The following PPP1R9A variants were observed in gnomAD, a reference collection of about 807,000 sequenced individuals.
The protein encoded by PPP1R9A is protein phosphatase 1 regulatory subunit 9A.
PPP1R9A carries 59 observed loss-of-function variants against 141.9 expected under a neutral mutation model. The ratio of observed to expected loss-of-function variants is 0.42; its 90% CI spans 0.34 to 0.52. PPP1R9A has a LOEUF of 0.52. PPP1R9A is among the 20% of genes least tolerant of loss of function. PPP1R9A has a pLI of 0.10. For missense variants in PPP1R9A, 1,444 were observed against 1,611.9 expected, an observed-to-expected ratio of 0.90 and a Z score of 1.78; for synonymous variants, 500 against 569.7, an observed-to-expected ratio of 0.88 and a Z score of 1.74.
chr7:95,170,902 C>T (rs905125341), intron 5 of PPP1R9A, among the ~76,000 whole-genome samples: 12 of 151,256 alleles, frequency 7.9e-5, no homozygotes, highest in Admixed American at 6.6e-4. Context: ...TTTATAATAT[C>T]GAGAAGTAAA....
intron 4 of PPP1R9A, among the ~76,000 whole-genome samples, chr7:95,135,717 A>AT (rs1338537564): frequency 3.3e-5 from 5 of 151,340 alleles, no homozygotes; most frequent in South Asian, 2.1e-4. Flanking sequence ...CTCACTCTTA[A>AT]TTTTTTGCCC....
chr7:95,237,184 T>A (rs796944493), intron 8 of PPP1R9A, among the ~76,000 whole-genome samples: 16,003 of 140,274 alleles, frequency 0.11, 969 homozygotes, highest in East Asian at 0.17. Flanking sequence ...TATATATTTT[T>A]TTTTTTTTAT....
intron 2 of PPP1R9A, among the ~76,000 whole-genome samples, chr7:95,094,019 T>C (rs79632093): frequency 0.013 from 2,051 of 152,312 alleles, 49 homozygotes; most frequent in African/African-American, 0.048. Flanking sequence ...AAGCGGCTGA[T>C]TTATTTGAAT....
At chr7:95,192,583 A>T (rs140667128) in intron 5 of PPP1R9A, among the ~76,000 whole-genome samples, 1 of 152,046 alleles carries the variant, frequency 6.6e-6, no homozygotes, top group Non-Finnish European at 1.5e-5. Context: ...CCAGATACTT[A>T]GTTTTTTTAA....
At chr7:95,214,154 C>T (rs1240147595) in intron 7 of PPP1R9A, 1 of 152,178 alleles carries the variant, frequency 6.6e-6, no homozygotes, top group Non-Finnish European at 1.5e-5. Context: ...CAAAACTTAG[C>T]AACTTAAAAG....
intron 2 of PPP1R9A, among the ~76,000 whole-genome samples, chr7:94,993,691 C>A (rs2151449083): frequency 6.6e-6 from 1 of 152,110 alleles, no homozygotes; most frequent in East Asian, 1.9e-4. Flanking sequence ...ATTTTCGGTG[C>A]TAGTATCTAG....
At chr7:94,960,131 A>G (rs1797460860) in intron 2 of PPP1R9A, among the ~76,000 whole-genome samples, 1 of 149,894 alleles carries the variant, frequency 6.7e-6, no homozygotes, top group Non-Finnish European at 1.5e-5. Context: ...CCAAGCTTTA[A>G]AGATCCTTGA....
chr7:95,072,348 T>G (rs1004312705), intron 2 of PPP1R9A, among the ~76,000 whole-genome samples: 1 of 144,530 alleles, frequency 6.9e-6, no homozygotes, highest in African/African-American at 2.5e-5. Context: ...ATATAAGTTA[T>G]ATTATTATAT....
intron 12 of PPP1R9A, among the ~76,000 whole-genome samples, chr7:95,263,440 T>C (rs1800741470): frequency 6.6e-6 from 1 of 151,848 alleles, no homozygotes; most frequent in Non-Finnish European, 1.5e-5. Context: ...GTTGTTGTTG[T>C]TGTTGTTGTT....
chr7:95,276,431 C>T (rs537934258), intron 16 of PPP1R9A, among the ~76,000 whole-genome samples: 96 of 152,202 alleles, frequency 6.3e-4, no homozygotes, highest in Non-Finnish European at 1.0e-3. Flanking sequence ...TCACCACAGT[C>T]GATGCCTGCT....
intron 4 of PPP1R9A, among the ~76,000 whole-genome samples, chr7:95,129,807 T>G (rs1055421391): frequency 1.3e-5 from 2 of 152,180 alleles, no homozygotes; most frequent in African/African-American, 4.8e-5. Flanking sequence ...GAGACTGTTG[T>G]CATTTTGCCC....
At chr7:95,270,928 A>G (rs1802073208) in intron 14 of PPP1R9A, among the ~76,000 whole-genome samples, 1 of 152,168 alleles carries the variant, frequency 6.6e-6, no homozygotes, top group African/African-American at 2.4e-5. Context: ...GTATAGATAG[A>G]GTACAATTAT....
At chr7:95,120,673 T>G in intron 3 of PPP1R9A, 39 bp from the exon 4 acceptor site, 2 of 1,603,470 alleles carry the variant, frequency 1.2e-6, no homozygotes, top group Non-Finnish European at 1.7e-6. Context: ...GTGTAAAACT[T>G]AAGTTGTTTC....
chr7:95,045,359 A>T (rs1485242308), intron 2 of PPP1R9A, among the ~76,000 whole-genome samples: 1 of 152,136 alleles, frequency 6.6e-6, no homozygotes, highest in East Asian at 1.9e-4. Flanking sequence ...GGAGTTTTAT[A>T]TGTTGGCATC....
At chr7:95,052,572 T>C (rs1293379718) in intron 2 of PPP1R9A, among the ~76,000 whole-genome samples, 2 of 152,210 alleles carry the variant, frequency 1.3e-5, no homozygotes, top group Non-Finnish European at 1.5e-5. Flanking sequence ...TGTTGAATTG[T>C]AGGCATTTTA....
At chr7:95,128,380 GTTGT>G (rs1268990817) in intron 4 of PPP1R9A, among the ~76,000 whole-genome samples, 1 of 152,060 alleles carries the variant, frequency 6.6e-6, no homozygotes, top group African/African-American at 2.4e-5. Context: ...CACTTGTTCA[GTTGT>G]TTAAGTTCTT....
intron 12 of PPP1R9A, among the ~76,000 whole-genome samples, chr7:95,253,663 C>A (rs903358153): frequency 1.3e-5 from 2 of 152,180 alleles, no homozygotes; most frequent in Admixed American, 1.3e-4. Flanking sequence ...TCCTTCTTCA[C>A]CACTTTAAGG....
chr7:95,058,724 T>A (rs1043155437), intron 2 of PPP1R9A, among the ~76,000 whole-genome samples: 1 of 151,914 alleles, frequency 6.6e-6, no homozygotes, highest in African/African-American at 2.4e-5. Context: ...GGGAGTGGGA[T>A]CGGGGGTGGA....
intron 2 of PPP1R9A, among the ~76,000 whole-genome samples, chr7:94,981,388 C>A (rs183545894): frequency 6.6e-6 from 1 of 152,046 alleles, no homozygotes; most frequent in Non-Finnish European, 1.5e-5. Flanking sequence ...TACAGGAGTG[C>A]GCTACCGCAG....
Sources: allele counts gnomAD v4.1 joint callset (sites outside exome capture counted in the v4.1 genomes callset), GRCh38; gene constraint gnomAD v4.1.1; transcripts MANE v1.5; gene names NCBI Gene and HGNC (gene_info 2026-07-23, HGNC 2026-07-21).